Variants in MRPL54 observed in about 807,000 individuals in gnomAD.
MRPL54 encodes mitochondrial ribosomal protein L54.
In MRPL54, 12 loss-of-function variants were observed where a neutral mutation model predicts 15.6. That is an observed-to-expected ratio of 0.77 (90% CI 0.49 to 1.24). The LOEUF (loss-of-function observed/expected upper bound fraction) is 1.24, where lower values mean the gene tolerates loss of function less well. MRPL54 is among the 50% of genes most tolerant of loss of function. The probability of loss-of-function intolerance (pLI) is 0.00; values close to 1 mark genes in which losing one functional copy is unlikely to be tolerated. For synonymous variants in MRPL54, 91 were observed against 75.7 expected (o/e 1.20, Z -1.05); for missense variants, 178 against 186.8 (o/e 0.95, Z 0.28).
chr19:3,765,026 C>CAAAAAA, intron 1 of MRPL54, 140 bp from the exon 2 acceptor site: 1 of 677,054 alleles, frequency 1.5e-6, no homozygotes, highest in Non-Finnish European at 2.2e-6. Flanking sequence ...GACTCCGTCT[C>CAAAAAA]AAAAAAAAAA....
Position 3,762,775 on chromosome 19 carries a change from C to G in MRPL54, c.75C>G (p.Ala25=), listed in dbSNP as rs1190553790. The change falls in exon 1 of 3, where the codon GCC becomes GCG. Residue 25 remains alanine (A), a synonymous_variant. Coordinates refer to ENST00000330133, the MANE Select transcript of MRPL54 (RefSeq NM_172251.3). ...GGGCCTGGGAGCTCCTAAACCCCGCCACTTCCGGAAGACTCCTGGCCCGGG... is the reference window on the plus strand; with the variant it reads ...GGGCCTGGGAGCTCCTAAACCCCGCGACTTCCGGAAGACTCCTGGCCCGGG... ...GWGAWELLNP[A]TSGRLLARDY... is the part of the protein sequence containing the mutation. The G allele has an allele frequency of 1.9e-6, 3 of 1,607,232 alleles. No individual in the cohort carries two copies. In the African/African-American group the frequency reaches 4.0e-5, roughly 22 times the overall value.
chr19:3,762,975 C>G (rs190291306), intron 1 of MRPL54, among the ~76,000 whole-genome samples, 157 bp downstream of exon 1: 33 of 152,344 alleles, frequency 2.2e-4, no homozygotes, highest in Non-Finnish European at 4.4e-4. Context: ...AGGGACCCAG[C>G]GCCGCTTGGA....
rs2037188247 is a variant in MRPL54, at chr19:3,765,259, A to G, written c.212A>G (p.Tyr71Cys). ...ACAGATCCTGTCCAGCTCACCACAT[A>G]TGCCATGGGCGTCAACATCTACAAG... ...VCTDPVQLTTYAMGVNIYKEG... is the reference protein window; with the variant it reads ...VCTDPVQLTTCAMGVNIYKEG... Residue 71 changes from tyrosine to cysteine, a missense_variant, in exon 2 of 3, where the codon TAT becomes TGT. Transcript: ENST00000330133. The G allele has an allele frequency of 1.2e-6, 2 of 1,614,038 alleles. No individual in the cohort carries two copies. The highest frequency in any genetic ancestry group is 1.7e-5 in the Admixed American group (1 of 60,010).
At chr19:3,763,941 AAAT>A (rs2037174955) in intron 1 of MRPL54, among the ~76,000 whole-genome samples, 1 of 151,662 alleles carries the variant, frequency 6.6e-6, no homozygotes, top group Non-Finnish European at 1.5e-5. Flanking sequence ...ATAAAAATAA[AAAT>A]AAGCGGGGCA....
At chr19:3,766,507 C>A (rs1212333593) in intron 2 of MRPL54, among the ~76,000 whole-genome samples, 1 of 152,258 alleles carries the variant, frequency 6.6e-6, no homozygotes, top group Non-Finnish European at 1.5e-5. Context: ...AGCCGCCGCA[C>A]CCGTCCTGCA....
rs369775452 is a variant in MRPL54, at chr19:3,765,155, C to T, written c.119-11C>T. 3.1e-4 allele frequency: 489 copies of T among 1,602,368 alleles called. 1 individual carries two copies. The highest frequency in any genetic ancestry group is 4.0e-4 in the Non-Finnish European group (466 of 1,173,840). On this transcript the variant is annotated splice_polypyrimidine_tract_variant and intron_variant, in intron 1 of 2. Transcript: ENST00000330133. The stretch of plus-strand genomic sequence containing the variant: ...GCTGGGCTGAAATGACTCTCCCTCT[C>T]GTCTCCCCAGTTATGAAGGGGGCCA...
Position 3,765,192 on chromosome 19 carries a change from G to A in MRPL54, c.145G>A (p.Gly49Ser), listed in dbSNP as rs753664676. 1.4e-5 allele frequency: 22 copies of A among 1,612,926 alleles called. No individual in the cohort carries two copies. The Admixed American group carries it at 3.7e-4, about 27-fold the overall frequency. Residue 49 changes from glycine (G) to serine (S), a missense_variant, in exon 2 of 3, where the codon GGT (glycine) becomes AGT (serine). Gly to Ser is a moderately conservative substitution (Grantham distance 56). Coordinates refer to ENST00000330133, the MANE Select transcript of MRPL54 (RefSeq NM_172251.3). ...PVMKGAKSGK[G>S]AVTSEALKDP... Reference sequence around the variant, plus strand: ...TATGAAGGGGGCCAAATCGGGAAAAGGTGCAGTGACCAGCGAGGCCCTCAA... The same window carrying A: ...TATGAAGGGGGCCAAATCGGGAAAAAGTGCAGTGACCAGCGAGGCCCTCAA...
intron 1 of MRPL54, among the ~76,000 whole-genome samples, chr19:3,763,376 C>T (rs1461903361): frequency 2.0e-5 from 3 of 152,156 alleles, no homozygotes; most frequent in Non-Finnish European, 2.9e-5. Flanking sequence ...ACATAGCAGA[C>T]AAAATATAAC....
intron 1 of MRPL54, among the ~76,000 whole-genome samples, chr19:3,763,984 T>G (rs1023615252): frequency 6.6e-6 from 1 of 152,138 alleles, no homozygotes; most frequent in East Asian, 1.9e-4. Context: ...TCTCAGCTAC[T>G]TGGGAGGCTG....
At position 3,767,247 on chromosome 19, in the gene MRPL54, C is replaced by T. The variant is rs114328922; in HGVS notation, c.285-14C>T. 2,641 of 1,607,758 alleles carry T rather than the reference C, an allele frequency of 1.6e-3. 44 individuals are homozygous for T. In the African/African-American group the frequency reaches 0.032, roughly 20 times the overall value. ...TCACCGTGTAGCTCTGATTCCTGCCCGCACCCCCGTCAGGCTGTTCGAGAT... is the reference window on the plus strand; with the variant it reads ...TCACCGTGTAGCTCTGATTCCTGCCTGCACCCCCGTCAGGCTGTTCGAGAT... On this transcript the variant is annotated splice_polypyrimidine_tract_variant and intron_variant, in intron 2 of 2. Coordinates refer to ENST00000330133, the MANE Select transcript of MRPL54 (RefSeq NM_172251.3).
rs111551440 is a variant in MRPL54 at position 3,764,960 on chromosome 19, G to A, written c.119-206G>A. Among the ~76,000 whole-genome samples the A allele has an allele frequency of 7.3e-3, 1,108 of 151,738 alleles. 4 individuals are homozygous for A. The highest frequency in any genetic ancestry group is 0.013 in the Non-Finnish European group (869 of 67,896). On this transcript the variant is annotated intron_variant, in intron 1 of 2. Transcript: ENST00000330133. ...GGAGAATGGCTTGAACCCGGGAGGC[G>A]GAGCTTGCAGTGAGCTGAGACTGCG...
At chr19:3,765,993 C>T (rs913671776) in intron 2 of MRPL54, among the ~76,000 whole-genome samples, 1 of 151,834 alleles carries the variant, frequency 6.6e-6, no homozygotes, top group Non-Finnish European at 1.5e-5. Context: ...CTCACTGCAA[C>T]CTCTGCCTCC....
At chr19:3,764,840 A>G (rs1325082859) in intron 1 of MRPL54, among the ~76,000 whole-genome samples, 9 of 151,922 alleles carry the variant, frequency 5.9e-5, no homozygotes, top group South Asian at 4.2e-4. Flanking sequence ...CATCCTGGCT[A>G]ACACGGTGAA....
Position 3,765,379 on chromosome 19 carries a change from G to A in MRPL54, c.284+48G>A, listed in dbSNP as rs766616520. 5.8e-5 allele frequency: 92 copies of A among 1,585,068 alleles called. 1 individual carries two copies. The East Asian group carries it at 1.9e-3, about 33-fold the overall frequency. ...TCCTGCAATGACTATTCCTTCCTCC[G>A]CCCCAGGAGGACCCCTTCCCGGAGA... is the stretch of plus-strand genomic sequence containing the variant. On this transcript the variant is annotated intron_variant, in intron 2 of 2. Transcript: ENST00000330133.
chr19:3,766,286 C>T (rs958173306), intron 2 of MRPL54, among the ~76,000 whole-genome samples: 4 of 152,144 alleles, frequency 2.6e-5, no homozygotes, highest in African/African-American at 9.7e-5. Context: ...CCATGTTTGC[C>T]AGGCTAGTCT....
At chr19:3,764,428 G>A (rs1043792754) in intron 1 of MRPL54, among the ~76,000 whole-genome samples, 2 of 150,018 alleles carry the variant, frequency 1.3e-5, no homozygotes, top group African/African-American at 4.9e-5. Context: ...ATTTTTTTGA[G>A]ATGGAATCTT....
chr19:3,766,370 C>T (rs954711910), intron 2 of MRPL54, among the ~76,000 whole-genome samples: 37 of 152,252 alleles, frequency 2.4e-4, no homozygotes, highest in African/African-American at 7.9e-4. Flanking sequence ...TGAGCCACCA[C>T]GCCTGGCCTA....
At chr19:3,762,845 G>A (rs994516310) in intron 1 of MRPL54, 27 bp downstream of exon 1, 4 of 1,507,312 alleles carry the variant, frequency 2.7e-6, no homozygotes, top group Non-Finnish European at 3.6e-6. Context: ...GGAACCAAAT[G>A]GGGACGGTGG....
At chr19:3,765,046 GTTT>G in intron 1 of MRPL54, 117 bp from the exon 2 acceptor site, 2 of 969,214 alleles carry the variant, frequency 2.1e-6, no homozygotes, top group Non-Finnish European at 2.9e-6. Context: ...AAAAAAGAAA[GTTT>G]TGAGTGTAGC....
Sources: allele counts gnomAD v4.1 joint callset (sites outside exome capture counted in the v4.1 genomes callset), GRCh38; gene constraint gnomAD v4.1.1; transcripts MANE v1.5; gene names NCBI Gene and HGNC (gene_info 2026-07-23, HGNC 2026-07-21).